Variants in PGBD5 observed in about 807,000 individuals in gnomAD.
PGBD5 encodes the protein piggyBac transposable element-derived protein 5.
PGBD5 carries 14 observed loss-of-function variants against 47.9 expected under a neutral mutation model. The observed-to-expected ratio is 0.29, with a 90% CI of 0.19 to 0.46. The LOEUF (loss-of-function observed/expected upper bound fraction) is 0.46. Ranked by LOEUF, PGBD5 falls within the 20% of genes least tolerant of loss-of-function variation. The pLI, the probability that PGBD5 is intolerant of heterozygous loss-of-function variation, is 1.00. For missense variants in PGBD5, 635 were observed against 716.0 expected (o/e 0.89, Z 1.29); for synonymous variants, 316 against 306.3 (o/e 1.03, Z -0.33).
At chr1:230,372,522 C>T (rs1667945447) in intron 1 of PGBD5, among the ~76,000 whole-genome samples, 1 of 152,176 alleles carries the variant, frequency 6.6e-6, no homozygotes, top group Non-Finnish European at 1.5e-5. Context: ...AAAGAGCTTG[C>T]TCCTGGAGAG....
At chr1:230,407,972 A>C (rs1571863197) in intron 1 of PGBD5, among the ~76,000 whole-genome samples, 2 of 152,328 alleles carry the variant, frequency 1.3e-5, no homozygotes, top group African/African-American at 4.8e-5. Context: ...TAGGAGATGA[A>C]AAGAAGGTAA....
intron 5 of PGBD5, among the ~76,000 whole-genome samples, chr1:230,327,009 GC>G (rs1667127971): frequency 6.6e-6 from 1 of 152,086 alleles, no homozygotes; most frequent in Non-Finnish European, 1.5e-5. Context: ...AGCCCTCCTT[GC>G]CCCGCTGCCA....
chr1:230,373,340 G>T (rs1421360976), intron 1 of PGBD5, among the ~76,000 whole-genome samples: 1 of 152,192 alleles, frequency 6.6e-6, no homozygotes, highest in Non-Finnish European at 1.5e-5. Context: ...TTTGGGTCTT[G>T]TGTCGGCCCC....
At chr1:230,377,583 A>AC in intron 1 of PGBD5, 6 of 1,593,836 alleles carry the variant, frequency 3.8e-6, no homozygotes, top group Non-Finnish European at 4.3e-6. Flanking sequence ...CCCCGAGAGT[A>AC]CTTTGCACGA....
intron 1 of PGBD5, among the ~76,000 whole-genome samples, chr1:230,367,023 G>A (rs1667845806): frequency 6.6e-6 from 1 of 151,968 alleles, no homozygotes; most frequent in Non-Finnish European, 1.5e-5. Flanking sequence ...TGGGGGTGAG[G>A]AGAGGCCCCA....
rs2102808716 is a variant in PGBD5 at position 230,322,743 on chromosome 1, TAA to T, written c.*680_*681del. 1 of 152,888 alleles carries T rather than the reference TAA, an allele frequency of 6.5e-6. No individual in the cohort carries two copies. The highest frequency in any genetic ancestry group is 1.9e-4 in the East Asian group (1 of 5,182). 9.5% of individuals were successfully genotyped at this position (152,888 alleles called of 1,614,324 possible). ...AATAACCTGAAGATATATTTAAAAA[TAA>T]AAAATAGCATCATCCTTCACTCCAA... is the stretch of plus-strand genomic sequence containing the variant. On this transcript the variant is annotated 3_prime_UTR_variant, in exon 7 of 7. Coordinates refer to ENST00000391860, the MANE Select transcript of PGBD5 (RefSeq NM_001258311.2). This position sits in a 1 kb window ranked among gnomAD's most constrained non-coding sequence, Gnocchi z 5.9.
chr1:230,335,678 TACAG>T lies in PGBD5; in HGVS notation c.1075+1426_1075+1429del, dbSNP rs1457145205. The stretch of plus-strand genomic sequence containing the variant: ...AAACAGACACACACAGATACACAGA[TACAG>T]ACACACAGACACATACACATACATA... On this transcript the variant is annotated intron_variant, in intron 4 of 6. Coordinates refer to ENST00000391860, the MANE Select transcript of PGBD5 (RefSeq NM_001258311.2). Among the ~76,000 whole-genome samples, 5 of 8,642 alleles carry T rather than the reference TACAG, an allele frequency of 5.8e-4. 1 individual carries two copies. The highest frequency in any genetic ancestry group is 2.7e-3 in the Admixed American group (2 of 744). The allele number at this position is 8,642 out of a possible 152,430, so 5.7% of individuals were successfully genotyped here.
At chr1:230,331,097 T>G (rs998127032) in intron 5 of PGBD5, among the ~76,000 whole-genome samples, 8 of 152,108 alleles carry the variant, frequency 5.3e-5, no homozygotes, top group Admixed American at 1.3e-4. Context: ...TTGAGATACC[T>G]TTTCAGAGGT....
At chr1:230,382,405 C>A (rs1571850455) in intron 1 of PGBD5, among the ~76,000 whole-genome samples, 1 of 152,328 alleles carries the variant, frequency 6.6e-6, no homozygotes, top group Middle Eastern at 3.4e-3. Flanking sequence ...CTGTTGACTG[C>A]CAGGCCTGTA....
chr1:230,400,187 G>C (rs1032064545), intron 1 of PGBD5, among the ~76,000 whole-genome samples: 1 of 152,146 alleles, frequency 6.6e-6, no homozygotes, highest in African/African-American at 2.4e-5. Flanking sequence ...GCCTCACACT[G>C]TCAGGCACCT....
intron 1 of PGBD5, among the ~76,000 whole-genome samples, chr1:230,404,594 A>T (rs1370344903): frequency 2.1e-5 from 3 of 140,940 alleles, no homozygotes; most frequent in African/African-American, 8.1e-5. Context: ...TGGGTGAGAC[A>T]GAGCAAAGTC....
rs957113608 is a variant in PGBD5 at position 230,320,633 on chromosome 1, T to C, written c.*2792A>G. On this transcript the variant is annotated 3_prime_UTR_variant, in exon 7 of 7. Coordinates refer to ENST00000391860, the MANE Select transcript of PGBD5 (RefSeq NM_001258311.2). ...CCCTCTGTCATAAGACCACTTACGA[T>C]GCTCTTTCCTCATCCCCAGGGATGG... 1 of 152,162 alleles carries C rather than the reference T, an allele frequency of 6.6e-6. No homozygotes were observed. Among genetic ancestry groups the C allele is most frequent in the Non-Finnish European group, 1.5e-5 (1 of 68,066 alleles). 9.4% of individuals were successfully genotyped at this position (152,162 alleles called of 1,614,324 possible).
intron 1 of PGBD5, among the ~76,000 whole-genome samples, chr1:230,419,100 A>G (rs1301365425): frequency 2.0e-5 from 3 of 152,244 alleles, no homozygotes; most frequent in Admixed American, 6.5e-5. Context: ...AAAAAGACAC[A>G]TGCACCCATA....
chr1:230,403,596 C>A (rs1254139626), intron 1 of PGBD5, among the ~76,000 whole-genome samples: 1 of 152,242 alleles, frequency 6.6e-6, no homozygotes, highest in Non-Finnish European at 1.5e-5. Context: ...GGAAAACCAG[C>A]CCCATCCTGA....
At position 230,315,929 on chromosome 1, in the gene PGBD5, CACATATATGTATGTGTAT is replaced by C. The variant is rs559437944; in HGVS notation, c.*7478_*7495del. 829 of 122,192 alleles carry C rather than the reference CACATATATGTATGTGTAT, an allele frequency of 6.8e-3. 41 individuals are homozygous for C. Among genetic ancestry groups the C allele is most frequent in the African/African-American group, 0.013 (438 of 33,358 alleles). The allele number at this position is 122,192 out of a possible 1,614,324, so 7.6% of individuals were successfully genotyped here. On this transcript the variant is annotated 3_prime_UTR_variant, in exon 7 of 7. Transcript: ENST00000391860. ...ATATATGTATATGTGTATATGTGTA[CACATATATGTATGTGTAT>C]ACATACATAAGTATATGTGTACACA...
intron 1 of PGBD5, chr1:230,368,294 C>T: frequency 3.5e-6 from 4 of 1,152,186 alleles, no homozygotes; most frequent in Non-Finnish European, 3.3e-6. Context: ...CCAAGTGGCC[C>T]CTCCCCAAAA....
intron 3 of PGBD5, among the ~76,000 whole-genome samples, chr1:230,350,302 T>C (rs1443523322): frequency 6.6e-6 from 1 of 152,228 alleles, no homozygotes; most frequent in Non-Finnish European, 1.5e-5. Context: ...TGTACCCTAC[T>C]GCTCCTGGCA....
At position 230,357,750 on chromosome 1, in the gene PGBD5, C is replaced by A. The variant is rs531314431; in HGVS notation, c.332-429G>T. ...AGTTTCACACACTCGGGGCACAAGC[C>A]GAGTCTTAACTAGAGATGTACACAC... On this transcript the variant is annotated intron_variant, in intron 1 of 6. Transcript: ENST00000391860. This position sits in a 1 kb window ranked among gnomAD's most constrained non-coding sequence, Gnocchi z 5.7. 1.3e-5 allele frequency among the ~76,000 whole-genome samples: 2 copies of A among 151,978 alleles called. No individual in the cohort carries two copies. The highest frequency in any genetic ancestry group is 2.9e-5 in the Non-Finnish European group (2 of 68,016).
Position 230,426,003 on chromosome 1 carries a change from G to C in PGBD5, c.-75C>G, listed in dbSNP as rs1657776066. On this transcript the variant is annotated 5_prime_UTR_variant, in exon 1 of 7. Transcript: ENST00000391860. ...ACACGCCGGGCCCTGGGCCCGCGCCGCGGCCCGCCGCCCCCCACCAGCGCA... is the reference window on the plus strand; with the variant it reads ...ACACGCCGGGCCCTGGGCCCGCGCCCCGGCCCGCCGCCCCCCACCAGCGCA... 4.3e-6 allele frequency: 3 copies of C among 703,430 alleles called. No homozygotes were observed. Among genetic ancestry groups the C allele is most frequent in the Non-Finnish European group, 5.2e-6 (3 of 577,866 alleles). The allele number at this position is 703,430 out of a possible 1,614,324, so 43.6% of individuals were successfully genotyped here. A position where few individuals can be genotyped will look rare whatever the true frequency, so the allele number is the denominator to read the frequency against.
Sources: gnomAD v4.1 joint callset for allele counts (sites outside exome capture counted in the v4.1 genomes callset) on GRCh38, gnomAD v4.1.1 for gene constraint, Gnocchi (gnomAD v3.1) non-coding constraint, MANE v1.5 for transcripts, NCBI Gene and HGNC (gene_info 2026-07-23, HGNC 2026-07-21) for gene names.